The following FAT2 variants were observed in gnomAD, a reference collection of about 807,000 sequenced individuals.
FAT2 encodes the protein FAT atypical cadherin 2.
A neutral mutation model predicts 295.3 loss-of-function variants in FAT2; 150 were observed. The observed-to-expected ratio is 0.51, with a 90% confidence interval of 0.44 to 0.58. The LOEUF is 0.58. Ranked by LOEUF, FAT2 falls within the 20% of genes least tolerant of loss-of-function variation. FAT2 has a pLI of 0.00. For synonymous variants in FAT2, 2,026 were observed against 2,150.3 expected (o/e 0.94, Z 1.60); for missense variants, 4,868 against 5,442.7 (o/e 0.89, Z 3.32).
At chr5:151,551,373 C>T in intron 7 of FAT2, 94 bp downstream of exon 7, 2 of 1,317,116 alleles carry the variant, frequency 1.5e-6, no homozygotes, top group South Asian at 2.8e-5. Flanking sequence ...CCTTGAGGAA[C>T]ACCACATCCA....
intron 1 of FAT2, among the ~76,000 whole-genome samples, chr5:151,570,855 C>G (rs1401347071): frequency 6.6e-6 from 1 of 152,172 alleles, no homozygotes; most frequent in Non-Finnish European, 1.5e-5. Flanking sequence ...CCTGTGTGAA[C>G]TGGGCACAGG....
chr5:151,546,462 C>A (rs1756643557), intron 9 of FAT2, 125 bp from the exon 10 acceptor site: 2 of 640,564 alleles, frequency 3.1e-6, no homozygotes, highest in East Asian at 5.4e-5. Context: ...ATAGTGTATA[C>A]CCACCCTGGA....
rs2127584625 is a variant in FAT2 at position 151,525,926 on chromosome 5, G to C, written c.10348C>G (p.Leu3450Val). ...TTCTCTGGAGAATCTGGGTCACTCA[G>C]GATCAGCTGCAGGACTTTGCTGCCA... is the stretch of plus-strand genomic sequence containing the variant. The part of the protein sequence containing the change: ...PIGSKVLQLI[L>V]SDPDSPENGP... The change falls in exon 18 of 24, where the codon CTG becomes GTG. Residue 3450 changes from leucine (L) to valine (V), a missense_variant. Around this residue, in one of 5 missense-constraint regions of FAT2, gnomAD observed 1,046 missense variants for 1,210.1 expected, o/e 0.86. Transcript: ENST00000261800. 1 of 1,614,198 alleles carries C rather than the reference G, an allele frequency of 6.2e-7. No individual in the cohort carries two copies. The highest frequency in any genetic ancestry group is 8.5e-7 in the Non-Finnish European group (1 of 1,180,038).
chr5:151,530,978 G>A (rs549925067), intron 14 of FAT2, among the ~76,000 whole-genome samples: 1 of 152,298 alleles, frequency 6.6e-6, no homozygotes, highest in Admixed American at 6.5e-5. Flanking sequence ...CCATTCCAGG[G>A]GAGCCATGGG....
chr5:151,578,020 C>CAAAA (rs546727587), intron 1 of FAT2, among the ~76,000 whole-genome samples: 1 of 97,964 alleles, frequency 1.0e-5, no homozygotes, highest in South Asian at 3.1e-4. Flanking sequence ...AAGGGAAAGG[C>CAAAA]AAAAAAAAAA....
chr5:151,544,545 C>G lies in FAT2; in HGVS notation c.6582G>C (p.Gln2194His). Residue 2194 changes from glutamine (Q) to histidine (H), a missense_variant, in exon 10 of 24, where the codon CAG becomes CAC. By Grantham distance (24) the Gln-to-His change is conservative. Transcript: ENST00000261800. Reference sequence around the variant, plus strand: ...GCCGGAGTCCCTCTGGACTCCGGGCCTGGGTGTGGAGAATTGGGGTATAGA... The same window carrying G: ...GCCGGAGTCCCTCTGGACTCCGGGCGTGGGTGTGGAGAATTGGGGTATAGA... Reference protein sequence around the residue: ...ITLYTPILHTQARSPEGLRLI... With the variant: ...ITLYTPILHTHARSPEGLRLI... The G allele has an allele frequency of 6.2e-7, 1 of 1,614,054 alleles. No homozygotes were observed. The highest frequency in any genetic ancestry group is 1.1e-5 in the South Asian group (1 of 91,058).
chr5:151,565,647 A>ACCGCC, intron 2 of FAT2, 26 bp downstream of exon 2: 306 of 1,460,874 alleles, frequency 2.1e-4, no homozygotes, highest in Non-Finnish European at 2.2e-4. Context: ...TGGCCCTGGC[A>ACCGCC]CCCCACCCTA....
At position 151,507,381 on chromosome 5, in the gene FAT2, G is replaced by A. The variant is rs1760974044; in HGVS notation, c.12290C>T (p.Ala4097Val). The change falls in exon 23 of 24, where the codon GCC (alanine) becomes GTC (valine). Residue 4097 changes from alanine to valine, a missense_variant. Ala to Val is a moderately conservative substitution (Grantham distance 64). This residue lies in a region of FAT2 where 492 missense variants were observed against 482.6 expected (regional missense o/e 1.02). Transcript: ENST00000261800. Reference protein sequence around the residue: ...LARSVGVDTQAMPAIELNPLS... With the variant: ...LARSVGVDTQVMPAIELNPLS... ...TGGGTTGAGCTCGATGGCAGGCATG[G>A]CTTGGGTGTCAACACCAACACTCCT... The A allele has an allele frequency of 1.2e-6, 2 of 1,614,192 alleles. No homozygotes were observed. The highest frequency in any genetic ancestry group is 1.6e-4 in the Middle Eastern group (1 of 6,062).
In FAT2 at chr5:151,554,404, T is replaced by G. The variant is rs2127630345; in HGVS notation, c.3903A>C (p.Ser1301=). ...FSIDLVTGVV[S]SSSTFTAGEY... is the part of the protein sequence containing the mutation. ...CTCCAGCTGTAAAAGTGCTGCTGGA[T>G]GAAACCACACCTGTGACCAGGTCGA... The change falls in exon 5 of 24, where the codon TCA becomes TCC. Residue 1301 remains serine, a synonymous_variant. Coordinates refer to ENST00000261800, the MANE Select transcript of FAT2 (RefSeq NM_001447.3). The G allele has an allele frequency of 6.2e-7, 1 of 1,614,188 alleles. No individual in the cohort carries two copies. The highest frequency in any genetic ancestry group is 8.5e-7 in the Non-Finnish European group (1 of 1,180,030).
At position 151,545,634 on chromosome 5, in the gene FAT2, C is replaced by T. The variant is rs1756549507; in HGVS notation, c.5493G>A (p.Glu1831=). 1 of 1,614,154 alleles carries T rather than the reference C, an allele frequency of 6.2e-7. No homozygotes were observed. ...TLTIVSEMDY[E]SMPSFQFCVY... is the part of the protein sequence containing the mutation. The stretch of plus-strand genomic sequence containing the variant: ...CACAGAATTGGAAAGAGGGCATGCT[C>T]TCATAATCCATCTCTGATACAATGG... The change falls in exon 10 of 24, where the codon GAG becomes GAA. Residue 1831 remains glutamate (E), a synonymous_variant. Transcript: ENST00000261800.
chr5:151,582,196 T>C (rs1472790508), intron 1 of FAT2, among the ~76,000 whole-genome samples: 5 of 152,188 alleles, frequency 3.3e-5, no homozygotes, highest in Admixed American at 6.5e-5. Context: ...TGCATACTAA[T>C]GAGATGCAAA....
Position 151,505,754 on chromosome 5 carries a change from C to T in FAT2, c.12861G>A (p.Gly4287=), listed in dbSNP as rs967940329. The T allele has an allele frequency of 1.1e-5, 17 of 1,613,054 alleles. No individual in the cohort carries two copies. Among genetic ancestry groups the T allele is most frequent in the South Asian group, 7.7e-5 (7 of 91,064 alleles). Residue 4287 remains glycine, a synonymous_variant, in exon 24 of 24, where the codon GGG becomes GGA. Transcript: ENST00000261800. ...TGTAGCCCCCGTCTGCCAGGCAGGG[C>T]CCTCCCCCTCCCTGCCGGAACTGCG... is the stretch of plus-strand genomic sequence containing the variant. The part of the protein sequence containing the change: ...YHSQFRQGGG[G]PCLADGGYKG...
At chr5:151,550,446 C>T (rs1254044857) in intron 8 of FAT2, 144 bp downstream of exon 8, 6 of 944,658 alleles carry the variant, frequency 6.4e-6, no homozygotes, top group Non-Finnish European at 9.4e-6. Flanking sequence ...GGAAGGTGCC[C>T]TTAGCCAGCT....
Position 151,554,632 on chromosome 5 carries a change from G to C in FAT2, c.3675C>G (p.Thr1225=), listed in dbSNP as rs1017033452. 6.2e-7 allele frequency: 1 copy of C among 1,613,898 alleles called. No individual in the cohort carries two copies. The highest frequency in any genetic ancestry group is 1.3e-5 in the African/African-American group (1 of 74,818). ...LDNGEPSLKS[T]SRVVVGILDV... ...CCAAGATGCCTACCACCACCCTGGA[G>C]GTGGACTTCAGTGAGGGTTCCCCAT... Residue 1225 remains threonine, a synonymous_variant, in exon 5 of 24, where the codon ACC becomes ACG. Transcript: ENST00000261800.
Position 151,528,056 on chromosome 5 carries a change from G to C in FAT2, c.10104C>G (p.His3368Gln), listed in dbSNP as rs1458221804. ...YSLIGGNQLGHFTIHPKKGEL... is the reference protein window; with the variant it reads ...YSLIGGNQLGQFTIHPKKGEL... ...CCCCCTTTTTGGGGTGAATGGTGAA[G>C]TGCCCAAGCTGGTTCCCTCCTATGA... Residue 3368 changes from histidine (H) to glutamine (Q), a missense_variant, in exon 16 of 24, where the codon CAC becomes CAG. This residue lies in a region of FAT2 where 1,046 missense variants were observed against 1,210.1 expected (regional missense o/e 0.86). Transcript: ENST00000261800. 6.2e-7 allele frequency: 1 copy of C among 1,614,236 alleles called. No homozygotes were observed. The highest frequency in any genetic ancestry group is 1.7e-5 in the Admixed American group (1 of 60,028).
intron 13 of FAT2, among the ~76,000 whole-genome samples, chr5:151,533,048 C>T (rs1230580472): frequency 6.6e-6 from 1 of 152,146 alleles, no homozygotes; most frequent in East Asian, 1.9e-4. Flanking sequence ...GTTGGAATAA[C>T]CATTTTGGAA....
In FAT2 at chr5:151,511,913, C is replaced by T. The variant is rs57775990; in HGVS notation, c.11905+252G>A. On this transcript the variant is annotated intron_variant, in intron 21 of 23. Transcript: ENST00000261800. Reference sequence around the variant, plus strand: ...GGTATGTGATTAATTCAACCCTCTGCCCCTGAGGTCCCCATTCATATCCTC... The same window carrying T: ...GGTATGTGATTAATTCAACCCTCTGTCCCTGAGGTCCCCATTCATATCCTC... 2,551 of 533,336 alleles carry T rather than the reference C, an allele frequency of 4.8e-3. 52 individuals are homozygous for T. The highest frequency in any genetic ancestry group is 0.042 in the African/African-American group (2,241 of 52,752). 33.0% of individuals were successfully genotyped at this position (533,336 alleles called of 1,614,324 possible). A position where few individuals can be genotyped will look rare whatever the true frequency, so the allele number is the denominator to read the frequency against.
chr5:151,506,478 C>T (rs1760885480), intron 23 of FAT2, among the ~76,000 whole-genome samples: 1 of 151,742 alleles, frequency 6.6e-6, no homozygotes, highest in South Asian at 2.1e-4. Context: ...GACTCACTCA[C>T]AGGTGTGATG....
In FAT2 at chr5:151,542,784, G is replaced by C; in HGVS notation, c.8343C>G (p.Val2781=). The change falls in exon 10 of 24, where the codon GTC becomes GTG. Residue 2781 remains valine (V), a synonymous_variant. Transcript: ENST00000261800. Reference sequence around the variant, plus strand: ...CGTCTCCCACTTGGATGTTGACAGAGACCAAGGACACCACATCAGTGTTCT... The same window carrying C: ...CGTCTCCCACTTGGATGTTGACAGACACCAAGGACACCACATCAGTGTTCT... ...CLQNTDVVSL[V]SVNIQVGDVN... is the part of the protein sequence containing the mutation. 4 of 1,614,204 alleles carry C rather than the reference G, an allele frequency of 2.5e-6. No homozygotes were observed. The highest frequency in any genetic ancestry group is 3.4e-6 in the Non-Finnish European group (4 of 1,180,046).
Sources: allele counts gnomAD v4.1 joint callset (sites outside exome capture counted in the v4.1 genomes callset), GRCh38; gene constraint gnomAD v4.1.1; regional missense constraint gnomAD v4.1.1; transcripts MANE v1.5; gene names NCBI Gene and HGNC (gene_info 2026-07-23, HGNC 2026-07-21).